Variants in VRK2 observed in about 807,000 individuals in gnomAD.
VRK2 encodes serine/threonine-protein kinase VRK2.
A neutral mutation model predicts 57.6 loss-of-function variants in VRK2; 60 were observed. The observed-to-expected ratio is 1.04, with a 90% CI of 0.85 to 1.29. The LOEUF (loss-of-function observed/expected upper bound fraction) is 1.29, where lower values mean the gene tolerates loss of function less well. Among genes scored for constraint, VRK2 ranks in the 50% most tolerant of loss-of-function variants. VRK2 has a pLI of 0.00. For missense variants in VRK2, 705 were observed against 588.1 expected, an observed-to-expected ratio of 1.20 and a Z score of -2.06; for synonymous variants, 231 against 199.2, an observed-to-expected ratio of 1.16 and a Z score of -1.35.
At chr2:57,945,348 T>C (rs938558214) in intron 1 of VRK2, among the ~76,000 whole-genome samples, 1 of 152,092 alleles carries the variant, frequency 6.6e-6, no homozygotes, top group African/African-American at 2.4e-5. Flanking sequence ...CCTTTTCAAA[T>C]CTCTTGTGTA....
chr2:58,154,806 A>G (rs1683549911), intron 12 of VRK2: 1 of 717,238 alleles, frequency 1.4e-6, no homozygotes. Flanking sequence ...TTCTAATGTA[A>G]GTATTCCATG....
At chr2:58,118,788 C>G (rs562905721) in intron 7 of VRK2, among the ~76,000 whole-genome samples, 1 of 151,966 alleles carries the variant, frequency 6.6e-6, no homozygotes, top group East Asian at 1.9e-4. Flanking sequence ...CGGTTGAGTC[C>G]GAAAAGAGAG....
chr2:57,921,286 GCA>G (rs34924125), intron 1 of VRK2, among the ~76,000 whole-genome samples: 76,481 of 147,818 alleles, frequency 0.52, 19,371 homozygotes, highest in East Asian at 0.64. Flanking sequence ...TCTTAAGCGC[GCA>G]CACACACACA....
At chr2:58,103,863 A>G (rs1674369996) in intron 7 of VRK2, among the ~76,000 whole-genome samples, 1 of 151,752 alleles carries the variant, frequency 6.6e-6, no homozygotes, top group South Asian at 2.1e-4. Context: ...CTAGCAAACC[A>G]AATCCCACAG....
intron 2 of VRK2, among the ~76,000 whole-genome samples, chr2:58,062,569 A>T (rs1047008517): frequency 6.6e-6 from 1 of 152,042 alleles, no homozygotes; most frequent in Non-Finnish European, 1.5e-5. Flanking sequence ...GCTAAAGTGA[A>T]GCAGCCTTAC....
At chr2:57,923,713 G>A (rs1444940648) in intron 1 of VRK2, among the ~76,000 whole-genome samples, 1 of 151,636 alleles carries the variant, frequency 6.6e-6, no homozygotes, top group Non-Finnish European at 1.5e-5. Context: ...CCTTTGCTGT[G>A]CTGAAGCTTT....
chr2:58,016,462 C>T (rs1673586551), intron 1 of VRK2, among the ~76,000 whole-genome samples: 1 of 152,188 alleles, frequency 6.6e-6, no homozygotes, highest in Non-Finnish European at 1.5e-5. Flanking sequence ...CAAGGATTCT[C>T]CTGCCTCAGC....
chr2:58,106,185 C>T (rs1032492629), intron 7 of VRK2, among the ~76,000 whole-genome samples: 2 of 151,684 alleles, frequency 1.3e-5, no homozygotes, highest in Non-Finnish European at 2.9e-5. Flanking sequence ...TTCTTATAAT[C>T]CTTGAGAACT....
At chr2:57,999,649 T>G (rs1049526017) in intron 1 of VRK2, among the ~76,000 whole-genome samples, 5 of 152,188 alleles carry the variant, frequency 3.3e-5, no homozygotes, top group African/African-American at 4.8e-5. Flanking sequence ...ACTGATTAAG[T>G]CTTGGGTTAT....
At chr2:57,926,711 C>A (rs1670550022) in intron 1 of VRK2, among the ~76,000 whole-genome samples, 1 of 151,286 alleles carries the variant, frequency 6.6e-6, no homozygotes, top group South Asian at 2.1e-4. Context: ...CTTTTCCATC[C>A]CTTTTTTTAG....
At chr2:58,013,987 T>C (rs541062642) in intron 1 of VRK2, among the ~76,000 whole-genome samples, 6 of 152,102 alleles carry the variant, frequency 3.9e-5, no homozygotes, top group African/African-American at 9.6e-5. Context: ...TGCTATAGGG[T>C]AATACTTTCA....
At chr2:58,020,334 T>C (rs1189983690) in intron 1 of VRK2, among the ~76,000 whole-genome samples, 3 of 152,178 alleles carry the variant, frequency 2.0e-5, no homozygotes, top group Non-Finnish European at 4.4e-5. Flanking sequence ...GCCTCCTACC[T>C]AACTCTGACT....
intron 1 of VRK2, among the ~76,000 whole-genome samples, chr2:57,940,589 T>G (rs1330482090): frequency 6.6e-6 from 1 of 152,158 alleles, no homozygotes. Flanking sequence ...CACTATAACA[T>G]GTTCTCATAC....
At chr2:58,052,600 CAAAAAA>C (rs79413397) in intron 2 of VRK2, among the ~76,000 whole-genome samples, 1 of 73,390 alleles carries the variant, frequency 1.4e-5, no homozygotes, top group Non-Finnish European at 3.0e-5. Context: ...GAGACTGTCT[CAAAAAA>C]AAAAAAAAAA....
At chr2:58,119,263 C>T (rs991195044) in intron 7 of VRK2, among the ~76,000 whole-genome samples, 1 of 150,834 alleles carries the variant, frequency 6.6e-6, no homozygotes, top group African/African-American at 2.4e-5. Context: ...TTTGGGAGAC[C>T]AAGGTGGGTG....
At chr2:57,921,712 T>C (rs991042759) in intron 1 of VRK2, among the ~76,000 whole-genome samples, 3 of 152,112 alleles carry the variant, frequency 2.0e-5, no homozygotes, top group African/African-American at 7.2e-5. Flanking sequence ...GTAAAGATGA[T>C]ATGTGTGCAC....
intron 1 of VRK2, among the ~76,000 whole-genome samples, chr2:57,934,660 C>T (rs1670846122): frequency 6.6e-6 from 1 of 152,180 alleles, no homozygotes. Flanking sequence ...AATAAGATTT[C>T]TGCTTCTTTC....
At chr2:58,058,556 G>C in intron 2 of VRK2, 1 of 312,776 alleles carries the variant, frequency 3.2e-6, no homozygotes, top group South Asian at 2.8e-5. Flanking sequence ...ATGAGGCCAT[G>C]AACATAGAAC....
intron 1 of VRK2, among the ~76,000 whole-genome samples, chr2:58,012,165 G>T (rs952407450): frequency 2.0e-5 from 3 of 152,178 alleles, no homozygotes; most frequent in African/African-American, 7.2e-5. Flanking sequence ...GGTCTAAAAA[G>T]GGGAGGCATG....
Sources: gnomAD v4.1 joint callset for allele counts (sites outside exome capture counted in the v4.1 genomes callset) on GRCh38, gnomAD v4.1.1 for gene constraint, MANE v1.5 for transcripts, NCBI Gene and HGNC (gene_info 2026-07-23, HGNC 2026-07-21) for gene names.